USP49: variants seen among roughly 807,000 people sequenced by gnomAD.
USP49 encodes ubiquitin carboxyl-terminal hydrolase 49.
In USP49, 24 loss-of-function variants were observed where a neutral mutation model predicts 58.6. That is an observed-to-expected ratio of 0.41 (90% CI 0.30 to 0.58). USP49 has a LOEUF of 0.58. USP49 is among the 20% of genes least tolerant of loss of function. USP49 has a pLI of 0.30. For synonymous variants in USP49, 408 were observed against 365.1 expected, an observed-to-expected ratio of 1.12 and a Z score of -1.34; for missense variants, 703 against 866.1, an observed-to-expected ratio of 0.81 and a Z score of 2.36.
intron 2 of USP49, among the ~76,000 whole-genome samples, chr6:41,875,310 C>T (rs962741414): frequency 6.6e-6 from 1 of 152,016 alleles, no homozygotes; most frequent in Non-Finnish European, 1.5e-5. Context: ...AATAACTTAA[C>T]CAAGATTATA....
intron 3 of USP49, among the ~76,000 whole-genome samples, chr6:41,811,261 C>T (rs940679279): frequency 6.6e-6 from 1 of 152,170 alleles, no homozygotes; most frequent in Admixed American, 6.6e-5. Context: ...CACTTTCTAA[C>T]AAGATATACA....
chr6:41,863,341 C>T (rs190001838), intron 3 of USP49, among the ~76,000 whole-genome samples: 1 of 152,314 alleles, frequency 6.6e-6, no homozygotes, highest in African/African-American at 2.4e-5. Context: ...TGTTTCTTGA[C>T]TTCTTGAACC....
At chr6:41,824,517 C>A (rs1773505252) in intron 3 of USP49, among the ~76,000 whole-genome samples, 1 of 151,912 alleles carries the variant, frequency 6.6e-6, no homozygotes. Flanking sequence ...TCAAGACCAG[C>A]CTGACCAACA....
chr6:41,822,211 T>C (rs936349999), intron 3 of USP49, among the ~76,000 whole-genome samples: 3 of 152,174 alleles, frequency 2.0e-5, no homozygotes, highest in Non-Finnish European at 4.4e-5. Context: ...GCTCAAGCAG[T>C]GAAATTGGGA....
intron 3 of USP49, among the ~76,000 whole-genome samples, chr6:41,822,461 A>C (rs1261578608): frequency 1.3e-5 from 2 of 152,212 alleles, no homozygotes; most frequent in African/African-American, 4.8e-5. Flanking sequence ...CCTGCTGCTT[A>C]AACGACAGCA....
At chr6:41,835,351 G>T (rs1356652539) in intron 3 of USP49, among the ~76,000 whole-genome samples, 1 of 152,168 alleles carries the variant, frequency 6.6e-6, no homozygotes. Context: ...TTGCAATTTA[G>T]ATTTGCTAGG....
chr6:41,831,537 A>G (rs1380401226), intron 3 of USP49, among the ~76,000 whole-genome samples: 1 of 151,374 alleles, frequency 6.6e-6, no homozygotes, highest in Non-Finnish European at 1.5e-5. Flanking sequence ...CCGAGACCGT[A>G]ACATTGCACT....
intron 3 of USP49, among the ~76,000 whole-genome samples, chr6:41,835,135 A>C (rs1773702752): frequency 6.6e-6 from 1 of 152,202 alleles, no homozygotes; most frequent in African/African-American, 2.4e-5. Flanking sequence ...CAGCTTGCTT[A>C]CCACTGGGTG....
chr6:41,878,933 T>C (rs1320684772), intron 2 of USP49, among the ~76,000 whole-genome samples: 2 of 152,136 alleles, frequency 1.3e-5, no homozygotes, highest in East Asian at 1.9e-4. Flanking sequence ...CCCAAGATAA[T>C]TGCTTTGAAT....
Position 41,806,074 on chromosome 6 carries a change from A to C in USP49, c.910T>G (p.Ser304Ala). The change falls in exon 4 of 8, where the codon TCT (serine) becomes GCT (alanine). Residue 304 changes from serine (S) to alanine (A), a missense_variant. Ser to Ala is a moderately conservative substitution (Grantham distance 99). Coordinates refer to ENST00000682992, the MANE Select transcript of USP49 (RefSeq NM_001286554.2). This position sits in a 1 kb window ranked among gnomAD's most constrained non-coding sequence, Gnocchi z 5.9. ...GCCGAGCTGTTGGTTGGCTTGCCAGAAAGCTGAGTCTTCCCGTTGGTGGCT... is the reference window on the plus strand; with the variant it reads ...GCCGAGCTGTTGGTTGGCTTGCCAGCAAGCTGAGTCTTCCCGTTGGTGGCT... The part of the protein sequence containing the change: ...PKATNGKTQL[S>A]GKPTNSSATE... 1 of 1,614,060 alleles carries C rather than the reference A, an allele frequency of 6.2e-7. No homozygotes were observed. Among genetic ancestry groups the C allele is most frequent in the Non-Finnish European group, 8.5e-7 (1 of 1,180,038 alleles).
chr6:41,798,515 A>G, intron 7 of USP49: 2 of 1,404,236 alleles, frequency 1.4e-6, no homozygotes, highest in Non-Finnish European at 1.9e-6. Context: ...ACCTCAGGTG[A>G]TCCACCCACC....
At chr6:41,873,454 A>T (rs913461339) in intron 2 of USP49, among the ~76,000 whole-genome samples, 5 of 152,158 alleles carry the variant, frequency 3.3e-5, no homozygotes, top group African/African-American at 4.8e-5. Context: ...AACCTAGCAA[A>T]AACACAAATA....
chr6:41,808,903 CTATCTATTTACT>C (rs973321278), intron 3 of USP49, among the ~76,000 whole-genome samples: 1 of 151,884 alleles, frequency 6.6e-6, no homozygotes, highest in Non-Finnish European at 1.5e-5. Context: ...TCTAATCTAT[CTATCTATTTACT>C]TATATATTTA....
chr6:41,837,544 C>G (rs575227464), intron 3 of USP49, among the ~76,000 whole-genome samples: 7 of 152,274 alleles, frequency 4.6e-5, no homozygotes, highest in Admixed American at 2.0e-4. Context: ...CAGGCCCTGG[C>G]AAAGATTTCA....
chr6:41,853,446 A>C (rs1307517091), intron 3 of USP49, among the ~76,000 whole-genome samples: 5 of 152,210 alleles, frequency 3.3e-5, no homozygotes, highest in Admixed American at 2.0e-4. Flanking sequence ...AAAATGAAAA[A>C]CTTTAGAACT....
chr6:41,838,805 C>A lies in USP49; in HGVS notation c.-28-31794G>T, dbSNP rs113594258. Among the ~76,000 whole-genome samples the A allele has an allele frequency of 2.0e-5, 3 of 152,322 alleles. 1 individual carries two copies. The highest frequency in any genetic ancestry group is 7.2e-5 in the African/African-American group (3 of 41,576). On this transcript the variant is annotated intron_variant, in intron 3 of 7. Coordinates refer to ENST00000682992, the MANE Select transcript of USP49 (RefSeq NM_001286554.2). ...TTCTTTTATCAGCACATGGAACATT[C>A]TCCAAGATAGACCACATATAGGTCA...
At chr6:41,809,711 A>C (rs1581995855) in intron 3 of USP49, among the ~76,000 whole-genome samples, 1 of 148,252 alleles carries the variant, frequency 6.7e-6, no homozygotes, top group Admixed American at 6.7e-5. Context: ...CTGTGGTCCC[A>C]ACCTACTCAG....
At chr6:41,894,964 G>A (rs1424033612) in intron 1 of USP49, among the ~76,000 whole-genome samples, 1 of 150,868 alleles carries the variant, frequency 6.6e-6, no homozygotes, top group East Asian at 1.9e-4. Context: ...CCCCAACCCA[G>A]CCGTCGCCCA....
chr6:41,802,023 CTGTT>C (rs1365343508), intron 5 of USP49, among the ~76,000 whole-genome samples: 1 of 149,986 alleles, frequency 6.7e-6, no homozygotes, highest in East Asian at 2.0e-4. Context: ...TCAGGAATCA[CTGTT>C]TTTTTTTTTT....
Sources: allele counts gnomAD v4.1 joint callset (sites outside exome capture counted in the v4.1 genomes callset), GRCh38; gene constraint gnomAD v4.1.1; non-coding constraint Gnocchi (gnomAD v3.1); transcripts MANE v1.5; gene names NCBI Gene and HGNC (gene_info 2026-07-23, HGNC 2026-07-21).